Variants in CPA6 observed in about 807,000 individuals in gnomAD.
CPA6 encodes carboxypeptidase B.
In CPA6, 58 loss-of-function variants were observed where a neutral mutation model predicts 63.3. The observed-to-expected ratio is 0.92, with a 90% CI of 0.74 to 1.14. The LOEUF (loss-of-function observed/expected upper bound fraction) is 1.14. Ranked by LOEUF, CPA6 falls within the 50% of genes most tolerant of loss-of-function variation. CPA6 has a pLI of 0.00. For missense variants in CPA6, 565 were observed against 526.6 expected (o/e 1.07, Z -0.71); for synonymous variants, 185 against 179.0 (o/e 1.03, Z -0.27).
intron 1 of CPA6, among the ~76,000 whole-genome samples, chr8:67,709,547 T>C (rs577378518): frequency 2.2e-4 from 34 of 152,182 alleles, no homozygotes; most frequent in African/African-American, 3.1e-4. Flanking sequence ...TTTTAAAACC[T>C]GTTGATGAAT....
intron 1 of CPA6, among the ~76,000 whole-genome samples, chr8:67,734,099 A>AGCTTC (rs1198298605): frequency 2.5e-4 from 38 of 151,292 alleles, no homozygotes; most frequent in African/African-American, 9.2e-4. Flanking sequence ...CTGGGTCTCC[A>AGCTTC]ACTCCTGGGC....
At chr8:67,613,813 T>G (rs1158860189) in intron 2 of CPA6, among the ~76,000 whole-genome samples, 1 of 152,110 alleles carries the variant, frequency 6.6e-6, no homozygotes, top group Non-Finnish European at 1.5e-5. Context: ...CCCCCTATCC[T>G]GCACCCATAT....
At chr8:67,511,779 T>A in intron 3 of CPA6, 124 bp from the exon 4 acceptor site, 1 of 639,282 alleles carries the variant, frequency 1.6e-6, no homozygotes. Flanking sequence ...TTCCTAAAAA[T>A]ACCAAATGTT....
chr8:67,618,392 T>C (rs574566157), intron 2 of CPA6, among the ~76,000 whole-genome samples: 1 of 152,178 alleles, frequency 6.6e-6, no homozygotes, highest in Admixed American at 6.5e-5. Context: ...TATGACTTGG[T>C]AGTGCACCAA....
At chr8:67,695,380 C>T (rs779370001) in intron 1 of CPA6, among the ~76,000 whole-genome samples, 2 of 152,204 alleles carry the variant, frequency 1.3e-5, no homozygotes, top group Non-Finnish European at 2.9e-5. Context: ...GATGACCAGC[C>T]AGCTCCCTGG....
intron 2 of CPA6, among the ~76,000 whole-genome samples, chr8:67,607,473 TTG>T (rs1814697322): frequency 6.6e-6 from 1 of 151,896 alleles, no homozygotes; most frequent in South Asian, 2.1e-4. Flanking sequence ...TAGTCTTTTT[TTG>T]TGTGTGTTTG....
intron 1 of CPA6, 127 bp from the exon 2 acceptor site, chr8:67,624,378 C>T: frequency 1.9e-6 from 1 of 532,468 alleles, no homozygotes; most frequent in South Asian, 2.8e-5. Flanking sequence ...TTCACTGGCC[C>T]AGTAAGTATT....
chr8:67,576,974 C>T (rs1488983952), intron 2 of CPA6, among the ~76,000 whole-genome samples: 6 of 152,070 alleles, frequency 3.9e-5, no homozygotes, highest in Middle Eastern at 3.2e-3. Flanking sequence ...AGCGATTCTC[C>T]TATCTTAGCC....
intron 1 of CPA6, among the ~76,000 whole-genome samples, chr8:67,724,092 A>T (rs953299936): frequency 6.6e-6 from 1 of 152,108 alleles, no homozygotes; most frequent in Non-Finnish European, 1.5e-5. Flanking sequence ...AAAAAAACCC[A>T]AAAATGAGCA....
At chr8:67,690,805 A>G (rs1816799799) in intron 1 of CPA6, among the ~76,000 whole-genome samples, 1 of 152,246 alleles carries the variant, frequency 6.6e-6, no homozygotes, top group African/African-American at 2.4e-5. Flanking sequence ...GATTGCAGGA[A>G]ATATGTCATA....
At chr8:67,580,331 G>A (rs190630993) in intron 2 of CPA6, among the ~76,000 whole-genome samples, 233 of 152,324 alleles carry the variant, frequency 1.5e-3, no homozygotes, top group African/African-American at 5.4e-3. Flanking sequence ...ACCAACACAA[G>A]TTGAGATAGC....
intron 2 of CPA6, among the ~76,000 whole-genome samples, chr8:67,617,582 T>C (rs1234373520): frequency 1.3e-5 from 2 of 152,224 alleles, no homozygotes; most frequent in Non-Finnish European, 1.5e-5. Flanking sequence ...ATAATGCTCC[T>C]GTGTATCTTC....
chr8:67,714,203 G>A (rs191752355), intron 1 of CPA6, among the ~76,000 whole-genome samples: 9 of 152,144 alleles, frequency 5.9e-5, no homozygotes, highest in Admixed American at 2.0e-4. Flanking sequence ...TCTTCACCGC[G>A]TCTCCACTCT....
intron 2 of CPA6, among the ~76,000 whole-genome samples, chr8:67,544,729 A>G (rs1812776848): frequency 6.6e-6 from 1 of 152,188 alleles, no homozygotes; most frequent in African/African-American, 2.4e-5. Context: ...TGCAGATGTA[A>G]TTCGCTGCTT....
rs1415013136 is a variant in CPA6 at position 67,642,032 on chromosome 8, G to A, written c.117-17781C>T. Among the ~76,000 whole-genome samples the A allele has an allele frequency of 2.6e-5, 4 of 152,100 alleles. No homozygotes were observed. In the East Asian group the frequency reaches 7.7e-4, roughly 29 times the overall value. On this transcript the variant is annotated intron_variant, in intron 1 of 10. Coordinates refer to ENST00000297770, the MANE Select transcript of CPA6 (RefSeq NM_020361.5). ...GAGGAAATTATAAAATTTGATTAAA[G>A]GACATTAGGTCGGGCATGGTGGCTC...
At chr8:67,427,811 C>T in intron 10 of CPA6, among the ~76,000 whole-genome samples, 1 of 152,192 alleles carries the variant, frequency 6.6e-6, no homozygotes, top group East Asian at 1.9e-4. Flanking sequence ...AGCTTGTAGT[C>T]GTTACTGCAC....
Position 67,568,739 on chromosome 8 carries a change from G to A in CPA6, c.193-50692C>T, listed in dbSNP as rs185577283. On this transcript the variant is annotated intron_variant, in intron 2 of 10. Coordinates refer to ENST00000297770, the MANE Select transcript of CPA6 (RefSeq NM_020361.5). Reference sequence around the variant, plus strand: ...ACAGAAGAAAGAGAAAACGGGCCAGGAAGTTTTTTTTTATTACTTATTTAT... The same window carrying A: ...ACAGAAGAAAGAGAAAACGGGCCAGAAAGTTTTTTTTTATTACTTATTTAT... 5.9e-3 allele frequency among the ~76,000 whole-genome samples: 892 copies of A among 152,218 alleles called. 7 individuals are homozygous for A. Among genetic ancestry groups the A allele is most frequent in the Non-Finnish European group, 9.7e-3 (657 of 67,996 alleles).
intron 1 of CPA6, among the ~76,000 whole-genome samples, chr8:67,707,429 T>C (rs1012230130): frequency 6.6e-6 from 1 of 152,250 alleles, no homozygotes; most frequent in African/African-American, 2.4e-5. Flanking sequence ...TAAACAAAAT[T>C]TTGAGCATAT....
chr8:67,510,798 A>G (rs1387260199), intron 4 of CPA6, among the ~76,000 whole-genome samples: 1 of 152,192 alleles, frequency 6.6e-6, no homozygotes, highest in Non-Finnish European at 1.5e-5. Flanking sequence ...ATAAGAAAGA[A>G]GTGGCCTGCG....
Sources: gnomAD v4.1 joint callset for allele counts (sites outside exome capture counted in the v4.1 genomes callset) on GRCh38, gnomAD v4.1.1 for gene constraint, MANE v1.5 for transcripts, NCBI Gene and HGNC (gene_info 2026-07-23, HGNC 2026-07-21) for gene names.